The following PTPRE variants were observed in gnomAD, a reference collection of about 807,000 sequenced individuals.
The protein encoded by PTPRE is receptor-type tyrosine-protein phosphatase epsilon.
In PTPRE, 51 loss-of-function variants were observed where a neutral mutation model predicts 102.0. The observed-to-expected ratio is 0.50, with a 90% CI of 0.40 to 0.63. The LOEUF is 0.63. PTPRE is among the 30% of genes least tolerant of loss of function. The probability of loss-of-function intolerance (pLI) is 0.00; values close to 1 mark genes in which losing one functional copy is unlikely to be tolerated. For missense variants in PTPRE, 752 were observed against 915.1 expected, an observed-to-expected ratio of 0.82 and a Z score of 2.30; for synonymous variants, 345 against 348.2, an observed-to-expected ratio of 0.99 and a Z score of 0.10.
intron 9 of PTPRE, 144 bp downstream of exon 9, chr10:128,061,859 A>T (rs1564945736): frequency 4.8e-6 from 5 of 1,045,010 alleles, no homozygotes; most frequent in Non-Finnish European, 6.7e-6. Context: ...ATATCCATTC[A>T]CACAACGGAT....
chr10:128,069,977 C>A, intron 13 of PTPRE, 150 bp downstream of exon 13: 1 of 1,182,150 alleles, frequency 8.5e-7, no homozygotes, highest in Non-Finnish European at 1.2e-6. Context: ...CTTCCCTGCC[C>A]ACGCGTGGGA....
chr10:127,961,839 A>G (rs1849839898), intron 1 of PTPRE, among the ~76,000 whole-genome samples: 1 of 152,156 alleles, frequency 6.6e-6, no homozygotes, highest in African/African-American at 2.4e-5. Context: ...CTCTGCCGCC[A>G]GGACTAGCCG....
At chr10:127,997,503 G>A (rs1185177301) in intron 2 of PTPRE, among the ~76,000 whole-genome samples, 1 of 152,162 alleles carries the variant, frequency 6.6e-6, no homozygotes, top group African/African-American at 2.4e-5. Flanking sequence ...GGAAGCCAGG[G>A]CACTGAAGAC....
intron 12 of PTPRE, 183 bp downstream of exon 12, chr10:128,068,469 G>A: frequency 1.8e-6 from 1 of 571,292 alleles, no homozygotes; most frequent in Middle Eastern, 5.2e-4. Flanking sequence ...TGTTCAGAGA[G>A]CCCCCTCTTC....
At chr10:127,945,132 C>A (rs866808364) in intron 1 of PTPRE, among the ~76,000 whole-genome samples, 2 of 152,202 alleles carry the variant, frequency 1.3e-5, no homozygotes, top group Admixed American at 6.5e-5. Flanking sequence ...CCTTCCCCTG[C>A]ACATCCAGAG....
intron 19 of PTPRE, 52 bp downstream of exon 19, chr10:128,077,835 C>G (rs1477229096): frequency 6.5e-7 from 1 of 1,539,630 alleles, no homozygotes; most frequent in Non-Finnish European, 8.8e-7. Flanking sequence ...GGCTGCACCC[C>G]CCCAGTACCC....
At chr10:127,933,188 A>G (rs1847574824) in intron 1 of PTPRE, among the ~76,000 whole-genome samples, 1 of 152,202 alleles carries the variant, frequency 6.6e-6, no homozygotes, top group African/African-American at 2.4e-5. Context: ...TACCTGGATT[A>G]CTGTTTGATG....
intron 1 of PTPRE, among the ~76,000 whole-genome samples, chr10:127,923,783 A>G (rs1846799536): frequency 6.6e-6 from 1 of 152,208 alleles, no homozygotes; most frequent in African/African-American, 2.4e-5. Flanking sequence ...TTCAAACCAC[A>G]TGCAGTTTAC....
At chr10:128,073,570 C>T in intron 17 of PTPRE, 99 bp downstream of exon 17, 3 of 1,447,080 alleles carry the variant, frequency 2.1e-6, no homozygotes, top group Non-Finnish European at 2.8e-6. Flanking sequence ...TCACTGCAAA[C>T]ACATGGGTGA....
intron 15 of PTPRE, chr10:128,071,178 C>T (rs1229189857): frequency 2.1e-6 from 1 of 468,692 alleles, no homozygotes; most frequent in Non-Finnish European, 3.8e-6. Context: ...AGGCTGATTT[C>T]AGGGGAGGGC....
chr10:128,057,901 A>G (rs898212251), intron 7 of PTPRE, among the ~76,000 whole-genome samples: 1 of 152,270 alleles, frequency 6.6e-6, no homozygotes, highest in Non-Finnish European at 1.5e-5. Flanking sequence ...AGGCCATGGC[A>G]GGAGGAGGTC....
intron 1 of PTPRE, among the ~76,000 whole-genome samples, chr10:127,951,593 C>T (rs575526193): frequency 2.0e-5 from 3 of 152,286 alleles, no homozygotes; most frequent in Non-Finnish European, 2.9e-5. Flanking sequence ...AGCGGTCATT[C>T]CCCCAGTTCC....
At chr10:127,986,691 GGCT>G (rs1852116488) in intron 2 of PTPRE, among the ~76,000 whole-genome samples, 1 of 152,112 alleles carries the variant, frequency 6.6e-6, no homozygotes, top group Non-Finnish European at 1.5e-5. Context: ...TGATTTGAAT[GGCT>G]ACCATGACAG....
rs1244280309 is a variant in PTPRE at position 127,955,449 on chromosome 10, CAG to C, written c.-30-26823_-30-26822del. Among the ~76,000 whole-genome samples, 4 of 152,272 alleles carry C rather than the reference CAG, an allele frequency of 2.6e-5. No individual in the cohort carries two copies. In the East Asian group the frequency reaches 7.7e-4, roughly 29 times the overall value. On this transcript the variant is annotated intron_variant, in intron 1 of 20. Coordinates refer to ENST00000254667, the MANE Select transcript of PTPRE (RefSeq NM_006504.6). ...ATGCCCATGTAACCAGTTACAGAAA[CAG>C]ACTGTTATGAGTATTTCCTCCCTAT...
chr10:127,954,281 G>C (rs1005079760), intron 1 of PTPRE, among the ~76,000 whole-genome samples: 1 of 152,170 alleles, frequency 6.6e-6, no homozygotes, highest in Non-Finnish European at 1.5e-5. Flanking sequence ...CACTCTGCCT[G>C]CTGCAGAGAT....
At chr10:127,975,144 A>T (rs1305053728) in intron 1 of PTPRE, among the ~76,000 whole-genome samples, 1 of 152,188 alleles carries the variant, frequency 6.6e-6, no homozygotes, top group Non-Finnish European at 1.5e-5. Flanking sequence ...TTTGTGGGAC[A>T]GGGAGCAGCA....
rs1321319211 is a variant in PTPRE at position 128,082,202 on chromosome 10, T to C, written c.2029-630T>C. 4.9e-4 allele frequency among the ~76,000 whole-genome samples: 59 copies of C among 119,394 alleles called. 5 individuals carry two copies. The highest frequency in any genetic ancestry group is 5.9e-4 in the Non-Finnish European group (34 of 57,286). The allele number at this position is 119,394 out of a possible 152,430, so 78.3% of individuals were successfully genotyped here. A position where few individuals can be genotyped will look rare whatever the true frequency, so the allele number is the denominator to read the frequency against. On this transcript the variant is annotated intron_variant, in intron 20 of 20. Coordinates refer to ENST00000254667, the MANE Select transcript of PTPRE (RefSeq NM_006504.6). ...TCTGATTTTTTTCTCTTTCTTTTTT[T>C]TTTTTTTTTTTTTTTTTTTTTGAGA...
At position 127,993,768 on chromosome 10, in the gene PTPRE, G is replaced by GGTGTGTGTGTGT. The variant is rs142298818; in HGVS notation, c.-8+11480_-8+11491dup. ...GTTCTCTCTCTGGATCTTTCATAGTGGTGTGTGTGTGTGTGTGTGCGTGTG... is the reference window on the plus strand; with the variant it reads ...GTTCTCTCTCTGGATCTTTCATAGTGGTGTGTGTGTGTGTGTGTGTGTGTGTGTGTGCGTGTG... On this transcript the variant is annotated intron_variant, in intron 2 of 20. Transcript: ENST00000254667. 5.4e-3 allele frequency among the ~76,000 whole-genome samples: 811 copies of GGTGTGTGTGTGT among 150,652 alleles called. 9 individuals are homozygous for GGTGTGTGTGTGT. The highest frequency in any genetic ancestry group is 0.014 in the African/African-American group (571 of 41,038).
intron 19 of PTPRE, 38 bp downstream of exon 19, chr10:128,077,821 C>T: frequency 6.4e-7 from 1 of 1,555,218 alleles, no homozygotes; most frequent in African/African-American, 1.3e-5. Flanking sequence ...GTGGGGTGGA[C>T]ACAGGCTGCA....
Sources: gnomAD v4.1 joint callset for allele counts (sites outside exome capture counted in the v4.1 genomes callset) on GRCh38, gnomAD v4.1.1 for gene constraint, MANE v1.5 for transcripts, NCBI Gene and HGNC (gene_info 2026-07-23, HGNC 2026-07-21) for gene names.